P2RX1: variants seen among roughly 807,000 people sequenced by gnomAD.
The protein encoded by P2RX1 is purinergic receptor P2X 1, also known as P2X purinoceptor 1.
A neutral mutation model predicts 50.3 loss-of-function variants in P2RX1; 42 were observed. The ratio of observed to expected loss-of-function variants is 0.83; its 90% confidence interval spans 0.65 to 1.08. The LOEUF (loss-of-function observed/expected upper bound fraction) is 1.08. P2RX1 is among the 50% of genes least tolerant of loss of function. The pLI is 0.00. For missense variants in P2RX1, 449 were observed against 529.0 expected, an observed-to-expected ratio of 0.85 and a Z score of 1.48; for synonymous variants, 199 against 202.6, an observed-to-expected ratio of 0.98 and a Z score of 0.15.
In P2RX1 at chr17:3,897,661, C is replaced by T. The variant is rs1451283739; in HGVS notation, c.*153G>A. ...GAGCTCAGATTTGCACAGGTCTCTC[C>T]TACTATGCACCCTGAGCTTCTGGCA... is the stretch of plus-strand genomic sequence containing the variant. On this transcript the variant is annotated 3_prime_UTR_variant, in exon 12 of 12. Transcript: ENST00000225538. 9.9e-6 allele frequency: 7 copies of T among 710,226 alleles called. No individual in the cohort carries two copies. The highest frequency in any genetic ancestry group is 1.7e-5 in the African/African-American group (1 of 57,274). The allele number at this position is 710,226 out of a possible 1,614,324, so 44.0% of individuals were successfully genotyped here. A position where few individuals can be genotyped will look rare whatever the true frequency, so the allele number is the denominator to read the frequency against.
intron 1 of P2RX1, among the ~76,000 whole-genome samples, chr17:3,911,153 AT>A (rs35055902): frequency 0.085 from 11,704 of 138,040 alleles, 512 homozygotes; most frequent in East Asian, 0.18. Flanking sequence ...CACCTGGGTA[AT>A]TTTTTTTTTT....
Position 3,904,036 on chromosome 17 carries a change from G to A in P2RX1, c.428-12C>T, listed in dbSNP as rs1311647882. ...GCCCGTGCGGATGCCTGGAGCCAGA[G>A]GGAAACCCCTGGGTGCCTGCACTAA... is the stretch of plus-strand genomic sequence containing the variant. On this transcript the variant is annotated splice_polypyrimidine_tract_variant and intron_variant, in intron 4 of 11. Transcript: ENST00000225538. 1 of 1,610,964 alleles carries A rather than the reference G, an allele frequency of 6.2e-7. No individual in the cohort carries two copies. The highest frequency in any genetic ancestry group is 8.5e-7 in the Non-Finnish European group (1 of 1,177,258).
chr17:3,898,119 AG>A lies in P2RX1; in HGVS notation c.1033-10del. On this transcript the variant is annotated splice_polypyrimidine_tract_variant and intron_variant, in intron 10 of 11. Coordinates refer to ENST00000225538, the MANE Select transcript of P2RX1 (RefSeq NM_002558.4). The stretch of plus-strand genomic sequence containing the variant: ...TCACAGAGAACTGTGGCCTGGGGTC[AG>A]GGAAGGGCACGGAGACAGCGTGGGA... 6.2e-7 allele frequency: 1 copy of A among 1,612,138 alleles called. No individual in the cohort carries two copies. Among genetic ancestry groups the A allele is most frequent in the Non-Finnish European group, 8.5e-7 (1 of 1,178,650 alleles).
intron 1 of P2RX1, among the ~76,000 whole-genome samples, chr17:3,911,203 G>T (rs1447709969): frequency 6.6e-6 from 1 of 151,438 alleles, no homozygotes; most frequent in East Asian, 1.9e-4. Flanking sequence ...GGCCAGGCTG[G>T]TCTTGGACCC....
In P2RX1 at chr17:3,901,241, A is replaced by G. The variant is rs149859132; in HGVS notation, c.748-1480T>C. On this transcript the variant is annotated intron_variant, in intron 7 of 11. Coordinates refer to ENST00000225538, the MANE Select transcript of P2RX1 (RefSeq NM_002558.4). ...CGCCACCATGCCCGGCTAATTTTTTATATTTTTAGTAGAGACGGGGTTTCA... is the reference window on the plus strand; with the variant it reads ...CGCCACCATGCCCGGCTAATTTTTTGTATTTTTAGTAGAGACGGGGTTTCA... 9.0e-3 allele frequency among the ~76,000 whole-genome samples: 1,362 copies of G among 152,046 alleles called. 12 individuals are homozygous for G. The highest frequency in any genetic ancestry group is 0.033 in the East Asian group (169 of 5,154).
In P2RX1 at chr17:3,914,620, G is replaced by A. The variant is rs2056419198; in HGVS notation, c.137+1469C>T. Among the ~76,000 whole-genome samples the A allele has an allele frequency of 6.6e-6, 1 of 152,198 alleles. No individual in the cohort carries two copies. Among genetic ancestry groups the A allele is most frequent in the Non-Finnish European group, 1.5e-5 (1 of 68,026 alleles). On this transcript the variant is annotated intron_variant, in intron 1 of 11. Transcript: ENST00000225538. This position sits in a 1 kb window ranked among gnomAD's most constrained non-coding sequence, Gnocchi z 4.1. ...GCCTCTCCCAGGGACGGTCAGGAGT[G>A]ATACTAAGGGTGGACTTCCGGCCCG...
chr17:3,916,387 G>T lies in P2RX1; in HGVS notation c.-162C>A. 1 of 724,882 alleles carries T rather than the reference G, an allele frequency of 1.4e-6. No individual in the cohort carries two copies. Among genetic ancestry groups the T allele is most frequent in the Non-Finnish European group, 2.3e-6 (1 of 442,990 alleles). 44.9% of individuals were successfully genotyped at this position (724,882 alleles called of 1,614,324 possible). On this transcript the variant is annotated 5_prime_UTR_variant, in exon 1 of 12. Coordinates refer to ENST00000225538, the MANE Select transcript of P2RX1 (RefSeq NM_002558.4). Reference sequence around the variant, plus strand: ...TGGAGCCAGAGGACAGGAGCCAGAGGTCAGCTGGAGGCACTTGGGTTGGAG... The same window carrying T: ...TGGAGCCAGAGGACAGGAGCCAGAGTTCAGCTGGAGGCACTTGGGTTGGAG...
At chr17:3,904,641 G>C in intron 3 of P2RX1, 1 of 627,584 alleles carries the variant, frequency 1.6e-6, no homozygotes, top group Non-Finnish European at 2.8e-6. Flanking sequence ...TGGGCACGAA[G>C]TCTCGGCACC....
intron 7 of P2RX1, among the ~76,000 whole-genome samples, chr17:3,902,219 G>A (rs1178264277): frequency 6.6e-6 from 1 of 151,992 alleles, no homozygotes; most frequent in African/African-American, 2.4e-5. Context: ...TCCGCCTCCC[G>A]GGTTCAAGCA....
At chr17:3,911,532 C>CCCCCCCCCCCCCCCCCCACCCCCCCG (rs2056363938) in intron 1 of P2RX1, among the ~76,000 whole-genome samples, 1 of 147,220 alleles carries the variant, frequency 6.8e-6, no homozygotes, top group Admixed American at 6.8e-5. Flanking sequence ...CCTTGGGTCC[C>CCCCCCCCCCCCCCCCCCACCCCCCCG]GCCCCGTCCC....
chr17:3,898,772 A>C (rs945289953), intron 9 of P2RX1, among the ~76,000 whole-genome samples, 162 bp downstream of exon 9: 10 of 152,162 alleles, frequency 6.6e-5, no homozygotes, highest in Non-Finnish European at 1.2e-4. Context: ...ACAGGTTGCA[A>C]AGCCCTGCTC....
chr17:3,907,290 C>CGTACGTGTGT (rs1555548653), intron 1 of P2RX1, among the ~76,000 whole-genome samples: 129 of 134,432 alleles, frequency 9.6e-4, no homozygotes, highest in African/African-American at 3.5e-3. Context: ...TTCAGGGTAA[C>CGTACGTGTGT]GTGTGTGTGT....
intron 9 of P2RX1, 140 bp downstream of exon 9, chr17:3,898,794 C>T: frequency 3.7e-6 from 3 of 810,918 alleles, no homozygotes; most frequent in East Asian, 2.4e-5. Context: ...GGACATGCCC[C>T]ATGACCATCT....
At chr17:3,904,556 CCA>C (rs2056223014) in intron 3 of P2RX1, 157 bp from the exon 4 acceptor site, 2 of 716,972 alleles carry the variant, frequency 2.8e-6, no homozygotes, top group Non-Finnish European at 4.8e-6. Context: ...CCATTTCCCC[CCA>C]CACTGCTCTG....
chr17:3,905,154 G>A, intron 2 of P2RX1, 66 bp downstream of exon 2: 2 of 1,586,124 alleles, frequency 1.3e-6, no homozygotes, highest in Non-Finnish European at 1.7e-6. Context: ...AGGGACGTGG[G>A]ACAGAGTCCC....
chr17:3,905,135 TGGTCCCACAGGGACGTGGGACAG>T, intron 2 of P2RX1, 62 bp downstream of exon 2: 1 of 1,534,808 alleles, frequency 6.5e-7, no homozygotes, highest in Admixed American at 1.7e-5. Flanking sequence ...GGAGCTGGGC[TGGTCCCACAGGGACGTGGGACAG>T]AGTCCCACCC....
rs755683824 is a variant in P2RX1, at chr17:3,897,799, G to A, written c.*15C>T. 3 of 1,611,582 alleles carry A rather than the reference G, an allele frequency of 1.9e-6. No homozygotes were observed. Among genetic ancestry groups the A allele is most frequent in the Non-Finnish European group, 8.5e-7 (1 of 1,179,388 alleles). ...AGCCTCACGCTGCACCCAGTCAGGA[G>A]TTGGGGCCCGAGCATCAGGATGTCC... is the stretch of plus-strand genomic sequence containing the variant. On this transcript the variant is annotated 3_prime_UTR_variant, in exon 12 of 12. Coordinates refer to ENST00000225538, the MANE Select transcript of P2RX1 (RefSeq NM_002558.4).
At chr17:3,911,118 G>T (rs140330172) in intron 1 of P2RX1, among the ~76,000 whole-genome samples, 313 of 151,622 alleles carry the variant, frequency 2.1e-3, no homozygotes, top group African/African-American at 7.3e-3. Context: ...GAGTAGCTGG[G>T]ACTGACTACA....
intron 4 of P2RX1, 116 bp downstream of exon 4, chr17:3,904,214 A>G: frequency 8.7e-7 from 1 of 1,152,008 alleles, no homozygotes. Flanking sequence ...TCCCTCCCGG[A>G]GGCCGCCTCG....
Sources: allele counts gnomAD v4.1 joint callset (sites outside exome capture counted in the v4.1 genomes callset), GRCh38; gene constraint gnomAD v4.1.1; non-coding constraint Gnocchi (gnomAD v3.1); transcripts MANE v1.5; gene names NCBI Gene and HGNC (gene_info 2026-07-23, HGNC 2026-07-21).